Variants in PDS5B observed in about 807,000 individuals in gnomAD.
PDS5B encodes the protein PDS5 cohesin associated factor B.
Under a neutral mutation model 184.1 loss-of-function variants are expected in PDS5B, and 51 were observed. That is an observed-to-expected ratio of 0.28 (90% confidence interval 0.22 to 0.35). The LOEUF is 0.35. Among genes scored for constraint, PDS5B ranks in the 10% least tolerant of loss-of-function variants. PDS5B has a pLI of 1.00. For missense variants in PDS5B, 1,180 were observed against 1,723.3 expected (o/e 0.68, Z 5.58); for synonymous variants, 566 against 569.2 (o/e 0.99, Z 0.08).
At chr13:32,738,356 T>C (rs1953412968) in intron 21 of PDS5B, among the ~76,000 whole-genome samples, 1 of 152,220 alleles carries the variant, frequency 6.6e-6, no homozygotes, top group Admixed American at 6.5e-5. Context: ...ATAATGTTAT[T>C]ATACACTGTT....
intron 26 of PDS5B, among the ~76,000 whole-genome samples, chr13:32,756,835 T>C (rs1051571736): frequency 3.3e-5 from 5 of 152,112 alleles, no homozygotes; most frequent in Non-Finnish European, 4.4e-5. Context: ...AATAAGAAAT[T>C]AGTTCGGCCA....
intron 25 of PDS5B, among the ~76,000 whole-genome samples, chr13:32,754,871 G>A (rs935070865): frequency 1.3e-5 from 2 of 152,046 alleles, no homozygotes; most frequent in African/African-American, 2.4e-5. Flanking sequence ...CTCTGATTAT[G>A]CTTTAGTGTG....
At chr13:32,669,433 A>C (rs1048018061) in intron 7 of PDS5B, among the ~76,000 whole-genome samples, 2 of 151,992 alleles carry the variant, frequency 1.3e-5, no homozygotes, top group African/African-American at 2.4e-5. Context: ...AAAGGAAAAA[A>C]CCCACAATAA....
chr13:32,650,552 A>T (rs1593336126), intron 2 of PDS5B: 2 of 152,306 alleles, frequency 1.3e-5, no homozygotes, highest in East Asian at 3.9e-4. Flanking sequence ...TACAGAAATA[A>T]ATAGTTACAT....
intron 16 of PDS5B, 81 bp downstream of exon 16, chr13:32,699,950 A>G (rs1951820316): frequency 8.0e-7 from 1 of 1,253,980 alleles, no homozygotes; most frequent in Non-Finnish European, 1.1e-6. Context: ...AGTAATTTAT[A>G]TTCATTATAT....
chr13:32,597,026 C>CT, intron 1 of PDS5B, among the ~76,000 whole-genome samples: 1 of 151,690 alleles, frequency 6.6e-6, no homozygotes, highest in African/African-American at 2.4e-5. Context: ...ATGGATTGTG[C>CT]TTTGAGTTCT....
Position 32,776,116 on chromosome 13 carries a change from G to A in PDS5B, c.*1064G>A, listed in dbSNP as rs144032898. On this transcript the variant is annotated 3_prime_UTR_variant, in exon 35 of 35. Coordinates refer to ENST00000315596, the MANE Select transcript of PDS5B (RefSeq NM_015032.4). The stretch of plus-strand genomic sequence containing the variant: ...GCTGTTCTTGAAAGCCAAGTGTTTT[G>A]TATTTTATAGTGAGTTGCATGTTTT... 4.0e-3 allele frequency: 620 copies of A among 153,566 alleles called. 3 individuals carry two copies. The highest frequency in any genetic ancestry group is 6.3e-3 in the Non-Finnish European group (431 of 68,732). The allele number at this position is 153,566 out of a possible 1,614,324, so 9.5% of individuals were successfully genotyped here.
chr13:32,656,735 T>C (rs1377030819), intron 3 of PDS5B, among the ~76,000 whole-genome samples: 2 of 152,096 alleles, frequency 1.3e-5, no homozygotes, highest in Admixed American at 6.6e-5. Context: ...TAGCTGGGAC[T>C]GCAAGCACAT....
intron 1 of PDS5B, among the ~76,000 whole-genome samples, chr13:32,639,158 CAG>C (rs933465802): frequency 1.3e-5 from 2 of 148,604 alleles, no homozygotes; most frequent in African/African-American, 5.0e-5. Context: ...AGAGATTTAA[CAG>C]AACACTTTCT....
At chr13:32,634,876 C>T (rs1481516609) in intron 1 of PDS5B, among the ~76,000 whole-genome samples, 2 of 151,400 alleles carry the variant, frequency 1.3e-5, no homozygotes, top group South Asian at 2.1e-4. Flanking sequence ...CCACCGTGCC[C>T]AGCCAACATT....
Position 32,699,777 on chromosome 13 carries a change from A to G in PDS5B, c.1648A>G (p.Thr550Ala). The G allele has an allele frequency of 7.0e-6, 11 of 1,568,204 alleles. No individual in the cohort carries two copies. The highest frequency in any genetic ancestry group is 9.5e-6 in the Non-Finnish European group (11 of 1,160,742). Reference sequence around the variant, plus strand: ...GGCTCAGGATTTCATGAAGAAATTCACACAGGTGTTAGAAGATGATGAGAA... The same window carrying G: ...GGCTCAGGATTTCATGAAGAAATTCGCACAGGTGTTAGAAGATGATGAGAA... ...GKAQDFMKKFTQVLEDDEKIR... is the reference protein window; with the variant it reads ...GKAQDFMKKFAQVLEDDEKIR... Residue 550 changes from threonine (T) to alanine (A), a missense_variant, in exon 16 of 35, where the codon ACA becomes GCA. Transcript: ENST00000315596.
At chr13:32,726,135 C>A (rs1199066357) in intron 19 of PDS5B, among the ~76,000 whole-genome samples, 9 of 140,162 alleles carry the variant, frequency 6.4e-5, no homozygotes, top group Non-Finnish European at 1.2e-4. Flanking sequence ...TCCTTTCTTC[C>A]CTGTAGATAA....
At chr13:32,710,434 A>G (rs909648732) in intron 19 of PDS5B, among the ~76,000 whole-genome samples, 3 of 152,186 alleles carry the variant, frequency 2.0e-5, no homozygotes, top group African/African-American at 7.2e-5. Flanking sequence ...ACTATCCATA[A>G]TATTCTTTAG....
intron 1 of PDS5B, among the ~76,000 whole-genome samples, chr13:32,613,483 T>C (rs898031332): frequency 1.3e-5 from 2 of 152,252 alleles, no homozygotes; most frequent in Non-Finnish European, 2.9e-5. Flanking sequence ...CATTTCCTGA[T>C]GATTAATGAT....
intron 14 of PDS5B, among the ~76,000 whole-genome samples, chr13:32,694,612 G>A (rs1171440541): frequency 6.6e-6 from 1 of 151,736 alleles, no homozygotes; most frequent in Non-Finnish European, 1.5e-5. Context: ...ATAGAAAATC[G>A]AAAGAAATTG....
chr13:32,655,521 G>C (rs1950492025), intron 3 of PDS5B, among the ~76,000 whole-genome samples: 2 of 150,658 alleles, frequency 1.3e-5, no homozygotes, highest in African/African-American at 4.9e-5. Context: ...TGGGATTACA[G>C]GTGCCCGTCA....
chr13:32,641,619 A>G (rs550262339), intron 1 of PDS5B, among the ~76,000 whole-genome samples: 1 of 151,658 alleles, frequency 6.6e-6, no homozygotes, highest in African/African-American at 2.4e-5. Flanking sequence ...TTCTAAAGCC[A>G]TTTTCTTGAC....
intron 1 of PDS5B, among the ~76,000 whole-genome samples, chr13:32,630,041 A>G (rs2058430199): frequency 1.3e-5 from 2 of 152,222 alleles, no homozygotes; most frequent in South Asian, 4.1e-4. Context: ...CAAGACAAGT[A>G]TAGCTCAAAT....
chr13:32,690,248 T>G (rs1419127342), intron 13 of PDS5B: 1 of 152,212 alleles, frequency 6.6e-6, no homozygotes, highest in East Asian at 1.9e-4. Context: ...ATTTCCTGAG[T>G]GTCCCTGGAA....
Sources: allele counts gnomAD v4.1 joint callset (sites outside exome capture counted in the v4.1 genomes callset), GRCh38; gene constraint gnomAD v4.1.1; transcripts MANE v1.5; gene names NCBI Gene and HGNC (gene_info 2026-07-23, HGNC 2026-07-21).